The following SLMAP variants were observed in gnomAD, a reference collection of about 807,000 sequenced individuals.
SLMAP encodes the protein sarcolemma associated protein, also known as sarcolemmal membrane-associated protein.
SLMAP carries 44 observed loss-of-function variants against 128.8 expected under a neutral mutation model. The observed-to-expected ratio is 0.34, with a 90% CI of 0.27 to 0.44. The LOEUF (loss-of-function observed/expected upper bound fraction) is 0.44. SLMAP is among the 20% of genes least tolerant of loss of function. The pLI is 1.00. For missense variants in SLMAP, 787 were observed against 985.3 expected (o/e 0.80, Z 2.69); for synonymous variants, 327 against 348.8 (o/e 0.94, Z 0.70).
intron 2 of SLMAP, among the ~76,000 whole-genome samples, chr3:57,764,046 C>T (rs2079179361): frequency 6.6e-6 from 1 of 152,066 alleles, no homozygotes; most frequent in African/African-American, 2.4e-5. Context: ...GAACGTTTTC[C>T]TACTATCTTG....
chr3:57,925,156 T>C (rs973965770), intron 23 of SLMAP, among the ~76,000 whole-genome samples: 6 of 151,924 alleles, frequency 3.9e-5, no homozygotes, highest in African/African-American at 1.5e-4. Context: ...GGTTTTGCCA[T>C]GTGGTCCAGG....
intron 23 of SLMAP, among the ~76,000 whole-genome samples, chr3:57,924,783 G>A (rs2096973035): frequency 6.6e-6 from 1 of 151,740 alleles, no homozygotes; most frequent in African/African-American, 2.4e-5. Flanking sequence ...CATCTAATAA[G>A]CAAAAGAGCT....
chr3:57,911,662 CACATGAGGTGTACAGT>C (rs2096701931), intron 19 of SLMAP, among the ~76,000 whole-genome samples: 1 of 152,008 alleles, frequency 6.6e-6, no homozygotes, highest in Non-Finnish European at 1.5e-5. Flanking sequence ...ATGCCCTACA[CACATGAGGTGTACAGT>C]CCAGTAGAAA....
At chr3:57,870,451 C>A (rs953403472) in intron 13 of SLMAP, among the ~76,000 whole-genome samples, 1 of 151,998 alleles carries the variant, frequency 6.6e-6, no homozygotes, top group Non-Finnish European at 1.5e-5. Flanking sequence ...GTGCATTGGT[C>A]TCTCCAAAAC....
chr3:57,868,941 G>C (rs1418636506), intron 13 of SLMAP, among the ~76,000 whole-genome samples: 2 of 130,036 alleles, frequency 1.5e-5, no homozygotes, highest in Non-Finnish European at 3.2e-5. Flanking sequence ...TATGTTATAT[G>C]TGTGTATTAT....
At chr3:57,897,145 AG>A in intron 17 of SLMAP, 1 of 1,311,058 alleles carries the variant, frequency 7.6e-7, no homozygotes, top group Non-Finnish European at 9.8e-7. Flanking sequence ...CAAGATTACG[AG>A]GGACAAAGTG....
chr3:57,812,897 T>C (rs1403621461), intron 2 of SLMAP, among the ~76,000 whole-genome samples: 1 of 152,068 alleles, frequency 6.6e-6, no homozygotes, highest in African/African-American at 2.4e-5. Context: ...TGAGATTGTT[T>C]TTATAATTTC....
chr3:57,834,769 C>CA (rs2093541368), intron 3 of SLMAP, among the ~76,000 whole-genome samples: 1 of 151,666 alleles, frequency 6.6e-6, no homozygotes, highest in Non-Finnish European at 1.5e-5. Context: ...GATATAGATA[C>CA]AAAAAAGAAA....
chr3:57,872,138 T>C (rs368086835), intron 14 of SLMAP, among the ~76,000 whole-genome samples: 14 of 152,244 alleles, frequency 9.2e-5, no homozygotes, highest in African/African-American at 3.4e-4. Context: ...AGGCTATCTT[T>C]AAGAATATTT....
intron 23 of SLMAP, among the ~76,000 whole-genome samples, chr3:57,924,960 T>C (rs890892182): frequency 6.7e-6 from 1 of 150,374 alleles, no homozygotes; most frequent in African/African-American, 2.4e-5. Flanking sequence ...GTTTTTTGTT[T>C]TTTTTTTTTT....
At chr3:57,819,576 C>G (rs1042906133) in intron 2 of SLMAP, among the ~76,000 whole-genome samples, 1 of 152,084 alleles carries the variant, frequency 6.6e-6, no homozygotes, top group Admixed American at 6.6e-5. Context: ...TCTCTCCTAC[C>G]TCTTAATGAC....
chr3:57,782,870 C>T (rs1396958947), intron 2 of SLMAP, among the ~76,000 whole-genome samples: 1 of 152,174 alleles, frequency 6.6e-6, no homozygotes, highest in Non-Finnish European at 1.5e-5. Flanking sequence ...GTCTCCCTGT[C>T]TCATGCTCTC....
intron 2 of SLMAP, among the ~76,000 whole-genome samples, chr3:57,773,296 T>C (rs2081238696): frequency 6.6e-6 from 1 of 152,182 alleles, no homozygotes; most frequent in Non-Finnish European, 1.5e-5. Context: ...GATAAGTAAG[T>C]CCTCAACATC....
At chr3:57,869,641 TATATATATATATATATATA>T (rs1176329659) in intron 13 of SLMAP, among the ~76,000 whole-genome samples, 6 of 127,590 alleles carry the variant, frequency 4.7e-5, no homozygotes, top group Admixed American at 4.0e-4. Context: ...TATATATATA[TATATATATATATATATATA>T]ATATATATAA....
intron 21 of SLMAP, among the ~76,000 whole-genome samples, chr3:57,914,656 C>T (rs1041046201): frequency 4.0e-5 from 6 of 151,814 alleles, no homozygotes; most frequent in Non-Finnish European, 8.8e-5. Context: ...GATCTCAGCT[C>T]ATCACAACCT....
rs186224691 is a variant in SLMAP at position 57,836,159 on chromosome 3, A to T, written c.346+4629A>T. On this transcript the variant is annotated intron_variant, in intron 3 of 24. Transcript: ENST00000671191. Reference sequence around the variant, plus strand: ...TAGTCTCACCAATCCCTATAAATACATATATGTTAGACATATATATCTCTA... The same window carrying T: ...TAGTCTCACCAATCCCTATAAATACTTATATGTTAGACATATATATCTCTA... Among the ~76,000 whole-genome samples, 43 of 152,268 alleles carry T rather than the reference A, an allele frequency of 2.8e-4. No homozygotes were observed. The East Asian group carries it at 8.1e-3, about 29-fold the overall frequency.
At chr3:57,762,630 G>T (rs1188485510) in intron 2 of SLMAP, among the ~76,000 whole-genome samples, 2 of 150,840 alleles carry the variant, frequency 1.3e-5, no homozygotes, top group Non-Finnish European at 2.9e-5. Context: ...ATATTGCCTT[G>T]TTGGATGCTG....
At chr3:57,912,971 A>G (rs1397989991) in intron 20 of SLMAP, among the ~76,000 whole-genome samples, 187 bp from the exon 21 acceptor site, 3 of 152,216 alleles carry the variant, frequency 2.0e-5, no homozygotes, top group East Asian at 1.9e-4. Context: ...TTGTTCAAGT[A>G]CAAGCTGATA....
At chr3:57,793,113 AGGTG>A (rs2085899221) in intron 2 of SLMAP, among the ~76,000 whole-genome samples, 2 of 123,828 alleles carry the variant, frequency 1.6e-5, no homozygotes, top group African/African-American at 6.7e-5. Context: ...CACTCTGCCC[AGGTG>A]ACACCCTGTC....
Sources: allele counts gnomAD v4.1 joint callset (sites outside exome capture counted in the v4.1 genomes callset), GRCh38; gene constraint gnomAD v4.1.1; transcripts MANE v1.5; gene names NCBI Gene and HGNC (gene_info 2026-07-23, HGNC 2026-07-21).